The following DEFB131A variants were observed in gnomAD, a reference collection of about 807,000 sequenced individuals.
DEFB131A encodes the protein defensin beta 131A.
DEFB131A carries 5 observed loss-of-function variants against 2.4 expected under a neutral mutation model. The ratio of observed to expected loss-of-function variants is 2.12; its 90% CI spans 1.11 to 4.47. DEFB131A has a LOEUF of 4.47. DEFB131A is among the 30% of genes most tolerant of loss of function. The pLI is 0.00. For missense variants in DEFB131A, 120 were observed against 79.9 expected (o/e 1.50, Z -1.91); for synonymous variants, 34 against 25.7 (o/e 1.32, Z -0.97).
At position 9,448,906 on chromosome 4, in the gene DEFB131A, T is replaced by A. The variant is rs114233297; in HGVS notation, c.59-1454T>A. Among the ~76,000 whole-genome samples, 350 of 152,216 alleles carry A rather than the reference T, an allele frequency of 2.3e-3. 3 individuals are homozygous for A. Among genetic ancestry groups the A allele is most frequent in the African/African-American group, 8.1e-3 (335 of 41,556 alleles). The stretch of plus-strand genomic sequence containing the variant: ...TGGGGGGTGGGAATGAGTAAAATCA[T>A]CTATTTCCAAATGACATAATTTTTT... On this transcript the variant is annotated intron_variant, in intron 1 of 1. Coordinates refer to ENST00000334879, the MANE Select transcript of DEFB131A (RefSeq NM_001040448.3).
chr4:9,450,647 A>G lies in DEFB131A; in HGVS notation c.*133A>G, dbSNP rs192355965. 9.7e-5 allele frequency: 124 copies of G among 1,281,006 alleles called. No homozygotes were observed. In the African/African-American group the frequency reaches 1.5e-3, roughly 16 times the overall value. The allele number at this position is 1,281,006 out of a possible 1,614,324, so 79.4% of individuals were successfully genotyped here. On this transcript the variant is annotated 3_prime_UTR_variant, in exon 2 of 2. Transcript: ENST00000334879. ...TAGATGGTCAGGTGAAAATGAATAT[A>G]AATTTTATAAATGCTTCCACTCTAT...
intron 1 of DEFB131A, among the ~76,000 whole-genome samples, chr4:9,446,030 C>A (rs1402430190): frequency 6.6e-6 from 1 of 151,980 alleles, no homozygotes; most frequent in Non-Finnish European, 1.5e-5. Flanking sequence ...ATCAGTATAT[C>A]CCACTCTAAG....
In DEFB131A at chr4:9,450,580, A is replaced by G; in HGVS notation, c.*66A>G. 6.5e-7 allele frequency: 1 copy of G among 1,541,076 alleles called. No individual in the cohort carries two copies. Among genetic ancestry groups the G allele is most frequent in the African/African-American group, 1.4e-5 (1 of 72,828 alleles). On this transcript the variant is annotated 3_prime_UTR_variant, in exon 2 of 2. Transcript: ENST00000334879. Reference sequence around the variant, plus strand: ...CATGTCTTAAACTCTCTTATCTATGAATAATTAACATGATAGATGAAAATT... The same window carrying G: ...CATGTCTTAAACTCTCTTATCTATGGATAATTAACATGATAGATGAAAATT...
intron 1 of DEFB131A, among the ~76,000 whole-genome samples, chr4:9,448,125 A>G (rs1308353839): frequency 6.6e-6 from 1 of 151,836 alleles, no homozygotes; most frequent in East Asian, 1.9e-4. Context: ...AATACAAAAA[A>G]TTTAAACATA....
intron 1 of DEFB131A, among the ~76,000 whole-genome samples, chr4:9,448,108 C>T (rs1374467664): frequency 6.9e-6 from 1 of 144,224 alleles, no homozygotes; most frequent in African/African-American, 2.6e-5. Flanking sequence ...GAATAACACG[C>T]AAGATAAATA....
intron 1 of DEFB131A, among the ~76,000 whole-genome samples, chr4:9,445,579 C>T (rs1409084892): frequency 6.6e-6 from 1 of 151,374 alleles, no homozygotes; most frequent in Non-Finnish European, 1.5e-5. Context: ...TAATACTTAA[C>T]AATTCAAGAT....
At chr4:9,450,170 T>A (rs1717618274) in intron 1 of DEFB131A, among the ~76,000 whole-genome samples, 190 bp from the exon 2 acceptor site, 1 of 152,216 alleles carries the variant, frequency 6.6e-6, no homozygotes, top group South Asian at 2.1e-4. Context: ...ATTTATCTAC[T>A]CTCTTTATAG....
chr4:9,447,921 A>G (rs924397114), intron 1 of DEFB131A, among the ~76,000 whole-genome samples: 2 of 152,136 alleles, frequency 1.3e-5, no homozygotes, highest in Non-Finnish European at 2.9e-5. Flanking sequence ...AGAAAAAAGA[A>G]TTAAAAAGAA....
intron 1 of DEFB131A, among the ~76,000 whole-genome samples, chr4:9,446,839 T>A (rs1018725473): frequency 6.6e-6 from 1 of 152,204 alleles, no homozygotes; most frequent in Admixed American, 6.5e-5. Flanking sequence ...GTTTTTTCAT[T>A]GACTCAATGG....
In DEFB131A at chr4:9,444,593, T is replaced by C; in HGVS notation, c.58+2T>C. On this transcript the variant is annotated splice_donor_variant, in intron 1 of 1. Transcript: ENST00000334879. LOFTEE classifies it high-confidence loss of function. ...CCTTGATGTTCACAGTTCCTCCAGGTAAGACAGAAACTTTTTTATTCCAAA... is the reference window on the plus strand; with the variant it reads ...CCTTGATGTTCACAGTTCCTCCAGGCAAGACAGAAACTTTTTTATTCCAAA... 5.9e-6 allele frequency: 9 copies of C among 1,538,196 alleles called. No individual in the cohort carries two copies. The highest frequency in any genetic ancestry group is 7.9e-6 in the Non-Finnish European group (9 of 1,139,064).
At chr4:9,444,754 G>T (rs994373208) in intron 1 of DEFB131A, among the ~76,000 whole-genome samples, 163 bp downstream of exon 1, 1 of 152,046 alleles carries the variant, frequency 6.6e-6, no homozygotes, top group Non-Finnish European at 1.5e-5. Flanking sequence ...TAAATAAGGT[G>T]GTTCACTGCA....
At chr4:9,448,381 C>G (rs1199457698) in intron 1 of DEFB131A, among the ~76,000 whole-genome samples, 1 of 152,082 alleles carries the variant, frequency 6.6e-6, no homozygotes, top group Non-Finnish European at 1.5e-5. Flanking sequence ...GACAGTCTCA[C>G]TTTGTCACCC....
intron 1 of DEFB131A, among the ~76,000 whole-genome samples, chr4:9,446,581 G>T: frequency 6.6e-6 from 1 of 151,868 alleles, no homozygotes; most frequent in Non-Finnish European, 1.5e-5. Context: ...TTTAAATCTT[G>T]AATTCACTTA....
Position 9,449,782 on chromosome 4 carries a change from G to A in DEFB131A, c.59-578G>A, listed in dbSNP as rs573888406. 2.8e-4 allele frequency among the ~76,000 whole-genome samples: 42 copies of A among 152,216 alleles called. 1 individual carries two copies. Among genetic ancestry groups the A allele is most frequent in the Admixed American group, 1.8e-3 (27 of 15,296 alleles). ...ATAAAGGACACATGGCCTTGAGCCC[G>A]AATACGCTGGGAAGCTGGAACTAAG... On this transcript the variant is annotated intron_variant, in intron 1 of 1. Coordinates refer to ENST00000334879, the MANE Select transcript of DEFB131A (RefSeq NM_001040448.3).
At chr4:9,445,586 A>G (rs1717473611) in intron 1 of DEFB131A, among the ~76,000 whole-genome samples, 1 of 151,454 alleles carries the variant, frequency 6.6e-6, no homozygotes, top group African/African-American at 2.4e-5. Flanking sequence ...TAACAATTCA[A>G]GATTCCCTCA....
rs1304572394 is a variant in DEFB131A, at chr4:9,445,369, T to A, written c.58+778T>A. 8.5e-5 allele frequency among the ~76,000 whole-genome samples: 13 copies of A among 152,180 alleles called. No individual in the cohort carries two copies. The South Asian group carries it at 2.5e-3, about 29-fold the overall frequency. On this transcript the variant is annotated intron_variant, in intron 1 of 1. Coordinates refer to ENST00000334879, the MANE Select transcript of DEFB131A (RefSeq NM_001040448.3). Reference sequence around the variant, plus strand: ...TATATGGAAATTACTTTTTGTATGGTGAGAGTTAAGATTCCACCTTAATTT... The same window carrying A: ...TATATGGAAATTACTTTTTGTATGGAGAGAGTTAAGATTCCACCTTAATTT...
rs182014909 is a variant in DEFB131A at position 9,448,499 on chromosome 4, T to A, written c.59-1861T>A. Among the ~76,000 whole-genome samples, 1,005 of 152,160 alleles carry A rather than the reference T, an allele frequency of 6.6e-3. 17 individuals carry two copies. The highest frequency in any genetic ancestry group is 0.023 in the African/African-American group (950 of 41,512). On this transcript the variant is annotated intron_variant, in intron 1 of 1. Coordinates refer to ENST00000334879, the MANE Select transcript of DEFB131A (RefSeq NM_001040448.3). ...ACCACCATGCCTGGCTAATTTTGTATTTTTAGTAGAGACTGGATTCCGCTA... is the reference window on the plus strand; with the variant it reads ...ACCACCATGCCTGGCTAATTTTGTAATTTTAGTAGAGACTGGATTCCGCTA...
intron 1 of DEFB131A, among the ~76,000 whole-genome samples, chr4:9,445,293 G>A (rs1239551001): frequency 3.3e-5 from 5 of 151,962 alleles, no homozygotes; most frequent in African/African-American, 4.8e-5. Flanking sequence ...CAAGGACCTA[G>A]CCTCTGTGTT....
chr4:9,445,299 G>T (rs1156881642), intron 1 of DEFB131A, among the ~76,000 whole-genome samples: 1 of 151,942 alleles, frequency 6.6e-6, no homozygotes, highest in East Asian at 1.9e-4. Flanking sequence ...CCTAGCCTCT[G>T]TGTTCCTTTA....
Sources: gnomAD v4.1 joint callset for allele counts (sites outside exome capture counted in the v4.1 genomes callset) on GRCh38, gnomAD v4.1.1 for gene constraint, MANE v1.5 for transcripts, NCBI Gene and HGNC (gene_info 2026-07-23, HGNC 2026-07-21) for gene names.